KRT86: variants seen among roughly 807,000 people sequenced by gnomAD.
KRT86 encodes keratin, type II cuticular Hb6.
KRT86 carries 30 observed loss-of-function variants against 41.2 expected under a neutral mutation model. The observed-to-expected ratio is 0.73, with a 90% CI of 0.54 to 0.99. The LOEUF is 0.99. KRT86 is among the 50% of genes least tolerant of loss of function. KRT86 has a pLI of 0.00. For missense variants in KRT86, 561 were observed against 571.4 expected, an observed-to-expected ratio of 0.98 and a Z score of 0.19; for synonymous variants, 238 against 238.1, an observed-to-expected ratio of 1.00 and a Z score of 0.00.
chr12:52,306,382 C>T, intron 9 of KRT86, 102 bp downstream of exon 9: 5 of 1,566,152 alleles, frequency 3.2e-6, no homozygotes, highest in Non-Finnish European at 4.4e-6. Flanking sequence ...CTTAACCTCC[C>T]CACCCTGCAA....
Position 52,304,941 on chromosome 12 carries a change from T to C in KRT86, c.649T>C (p.Cys217Arg). Residue 217 changes from cysteine (C) to arginine (R), a missense_variant, in exon 6 of 11, where the codon TGC (cysteine) becomes CGC (arginine). Cys to Arg is a radical substitution (Grantham distance 180). Around this residue, in one of 3 missense-constraint regions of KRT86, gnomAD observed 397 missense variants for 375.9 expected, o/e 1.06. Coordinates refer to ENST00000423955, the MANE Select transcript of KRT86 (RefSeq NM_001320198.2). ...EFVALKKDVD[C>R]AYLRKSDLEA... ...CTCCCCACCTTTCCAGGATGTGGACTGCGCCTACCTCCGCAAATCAGACCT... is the reference window on the plus strand; with the variant it reads ...CTCCCCACCTTTCCAGGATGTGGACCGCGCCTACCTCCGCAAATCAGACCT... 3.1e-6 allele frequency: 5 copies of C among 1,614,126 alleles called. No individual in the cohort carries two copies. The highest frequency in any genetic ancestry group is 4.2e-6 in the Non-Finnish European group (5 of 1,180,012).
intron 2 of KRT86, chr12:52,291,513 A>G (rs763968162): frequency 2.5e-6 from 4 of 1,606,582 alleles, no homozygotes; most frequent in Non-Finnish European, 3.4e-6. Context: ...GGGGACCTGG[A>G]GTCCTGATGG....
intron 2 of KRT86, chr12:52,291,485 G>T: frequency 6.2e-7 from 1 of 1,612,296 alleles, no homozygotes; most frequent in Non-Finnish European, 8.5e-7. Flanking sequence ...GGACGTTTGG[G>T]TTGCAGAGGA....
chr12:52,308,491 TC>T lies in KRT86; in HGVS notation c.1371del (p.Ser458AlafsTer62). On this transcript the variant is annotated frameshift_variant, in exon 11 of 11. Coordinates refer to ENST00000423955, the MANE Select transcript of KRT86 (RefSeq NM_001320198.2). LOFTEE classifies it high-confidence loss of function. ...APVVSTRVSS[V>X]PSNSNVVVGT... The stretch of plus-strand genomic sequence containing the variant: ...GTTGTCTCCACCAGAGTCAGTAGCG[TC>T]CCCAGCAACAGCAACGTGGTGGTGG... 6.2e-7 allele frequency: 1 copy of T among 1,609,502 alleles called. No homozygotes were observed.
At chr12:52,304,814 T>C (rs1938463849) in intron 5 of KRT86, 118 bp from the exon 6 acceptor site, 1 of 1,121,604 alleles carries the variant, frequency 8.9e-7, no homozygotes, top group Admixed American at 1.7e-5. Flanking sequence ...GGAGAGGGCA[T>C]GGGAATGAGA....
chr12:52,279,978 A>T (rs1937734551), intron 2 of KRT86, among the ~76,000 whole-genome samples: 1 of 152,230 alleles, frequency 6.6e-6, no homozygotes, highest in African/African-American at 2.4e-5. Flanking sequence ...GAAACCGAGC[A>T]GAAACAGAAA....
chr12:52,287,947 T>G (rs745961200), intron 2 of KRT86: 1 of 1,614,100 alleles, frequency 6.2e-7, no homozygotes, highest in Non-Finnish European at 8.5e-7. Flanking sequence ...TCCCTCCCAC[T>G]GACACGTCTA....
intron 2 of KRT86, among the ~76,000 whole-genome samples, chr12:52,291,960 A>G (rs1343734403): frequency 6.6e-6 from 1 of 152,116 alleles, no homozygotes; most frequent in African/African-American, 2.4e-5. Context: ...AATAAATACC[A>G]TCTCTCATTT....
chr12:52,309,012 T>C lies in KRT86; in HGVS notation c.*427T>C, dbSNP rs1357123425. On this transcript the variant is annotated 3_prime_UTR_variant, in exon 11 of 11. Coordinates refer to ENST00000423955, the MANE Select transcript of KRT86 (RefSeq NM_001320198.2). Reference sequence around the variant, plus strand: ...ACGCGGACCCTGGATAGTGGTTCTATGACTCTGCGAGGGACAGGCCCACGC... The same window carrying C: ...ACGCGGACCCTGGATAGTGGTTCTACGACTCTGCGAGGGACAGGCCCACGC... 4.6e-6 allele frequency: 1 copy of C among 215,946 alleles called. No homozygotes were observed. The highest frequency in any genetic ancestry group is 9.2e-6 in the Non-Finnish European group (1 of 108,424). The allele number at this position is 215,946 out of a possible 1,614,324, so 13.4% of individuals were successfully genotyped here.
chr12:52,281,199 C>T (rs533102810), intron 2 of KRT86, among the ~76,000 whole-genome samples: 35 of 152,276 alleles, frequency 2.3e-4, no homozygotes, highest in African/African-American at 6.3e-4. Flanking sequence ...CTTTGTGAGT[C>T]GGGTGGCTTC....
chr12:52,283,355 C>G (rs1436159164), intron 2 of KRT86, among the ~76,000 whole-genome samples: 1 of 139,728 alleles, frequency 7.2e-6, no homozygotes, highest in Non-Finnish European at 1.5e-5. Flanking sequence ...CCTGCACCAC[C>G]GCACTCCAGC....
intron 2 of KRT86, among the ~76,000 whole-genome samples, chr12:52,295,023 A>G (rs1446216877): frequency 6.6e-6 from 1 of 152,212 alleles, no homozygotes; most frequent in African/African-American, 2.4e-5. Context: ...GATAGCCACA[A>G]GGTTGTTTCC....
rs1234094646 is a variant in KRT86 at position 52,305,353 on chromosome 12, T to C, written c.849T>C (p.Asp283=). The C allele has an allele frequency of 3.1e-6, 5 of 1,614,222 alleles. No homozygotes were observed. The highest frequency in any genetic ancestry group is 2.2e-5 in the East Asian group (1 of 44,882). ...CIIAEIKAQY[D]DIVTRSRAEA... is the part of the protein sequence containing the mutation. ...TTGCCGAGATCAAGGCACAGTACGA[T>C]GACATTGTCACCCGTAGCCGGGCTG... Residue 283 remains aspartate (D), a synonymous_variant, in exon 7 of 11, where the codon GAT becomes GAC. Transcript: ENST00000423955.
intron 2 of KRT86, chr12:52,291,650 G>A (rs1032733862): frequency 5.1e-6 from 4 of 782,448 alleles, no homozygotes; most frequent in East Asian, 2.7e-5. Context: ...CGGGTCTAAC[G>A]CCTCTCCAGA....
intron 2 of KRT86, among the ~76,000 whole-genome samples, chr12:52,284,201 T>C (rs1937850360): frequency 6.6e-6 from 1 of 152,166 alleles, no homozygotes; most frequent in Admixed American, 6.5e-5. Flanking sequence ...CTTGTTTTTT[T>C]ATTTTTTTGA....
chr12:52,287,172 T>A, intron 2 of KRT86: 1 of 1,613,748 alleles, frequency 6.2e-7, no homozygotes. Context: ...TTGGAGTTCA[T>A]CACCTCCTGG....
chr12:52,284,647 T>G (rs77347949), intron 2 of KRT86, among the ~76,000 whole-genome samples: 1 of 152,228 alleles, frequency 6.6e-6, no homozygotes, highest in African/African-American at 2.4e-5. Flanking sequence ...CAGGAGAATT[T>G]GTTCTTTTCA....
intron 1 of KRT86, 26 bp downstream of exon 1, chr12:52,274,748 G>C: frequency 1.0e-6 from 1 of 985,110 alleles, no homozygotes. Context: ...GTGGCTCCCT[G>C]GTCACACAGG....
intron 2 of KRT86, chr12:52,286,819 TA>T: frequency 6.2e-7 from 1 of 1,613,926 alleles, no homozygotes; most frequent in Non-Finnish European, 8.5e-7. Flanking sequence ...TGCCTTCACA[TA>T]GCCTGAGGGC....
Sources: gnomAD v4.1 joint callset for allele counts (sites outside exome capture counted in the v4.1 genomes callset) on GRCh38, gnomAD v4.1.1 for gene constraint, gnomAD v4.1.1 regional missense constraint, MANE v1.5 for transcripts, NCBI Gene and HGNC (gene_info 2026-07-23, HGNC 2026-07-21) for gene names.